The following FAR2 variants were observed in gnomAD, a reference collection of about 807,000 sequenced individuals.
FAR2 encodes the protein epididymis secretory protein Li 81.
FAR2 carries 19 observed loss-of-function variants against 56.0 expected under a neutral mutation model. That is an observed-to-expected ratio of 0.34 (90% CI 0.24 to 0.50). The LOEUF (loss-of-function observed/expected upper bound fraction) is 0.50. FAR2 is among the 20% of genes least tolerant of loss of function. FAR2 has a pLI of 0.98. For missense variants in FAR2, 508 were observed against 642.2 expected, an observed-to-expected ratio of 0.79 and a Z score of 2.26; for synonymous variants, 219 against 218.8, an observed-to-expected ratio of 1.00 and a Z score of -0.01.
chr12:29,247,861 T>A (rs180951543), intron 1 of FAR2, among the ~76,000 whole-genome samples: 190 of 152,378 alleles, frequency 1.2e-3, no homozygotes, highest in Admixed American at 2.7e-3. Flanking sequence ...ATCGTTGGTA[T>A]GCTATTCTAT....
intron 3 of FAR2, among the ~76,000 whole-genome samples, chr12:29,295,235 A>G (rs1201943049): frequency 1.3e-5 from 2 of 151,950 alleles, no homozygotes; most frequent in African/African-American, 4.8e-5. Flanking sequence ...CACCATGCCT[A>G]GCTAATTTTT....
intron 1 of FAR2, among the ~76,000 whole-genome samples, chr12:29,195,091 A>G (rs1950134402): frequency 6.6e-6 from 1 of 152,188 alleles, no homozygotes; most frequent in Non-Finnish European, 1.5e-5. Flanking sequence ...GAAGCCCTAT[A>G]AATTCTTGCT....
intron 9 of FAR2, among the ~76,000 whole-genome samples, chr12:29,319,037 C>T (rs1949508570): frequency 6.6e-6 from 1 of 151,236 alleles, no homozygotes; most frequent in East Asian, 2.0e-4. Flanking sequence ...GTCACCTAGG[C>T]TAGAGTGCAG....
At chr12:29,312,013 AAGTGTGTCATGGAGCTT>A in intron 8 of FAR2, 63 bp downstream of exon 8, 1 of 1,243,268 alleles carries the variant, frequency 8.0e-7, no homozygotes, top group South Asian at 1.3e-5. Flanking sequence ...AAAGTTGACA[AAGTGTGTCATGGAGCTT>A]AGAGCTTATA....
chr12:29,330,391 G>A (rs533893046), intron 10 of FAR2, among the ~76,000 whole-genome samples: 1 of 152,210 alleles, frequency 6.6e-6, no homozygotes, highest in South Asian at 2.1e-4. Flanking sequence ...TTCTTGTCAT[G>A]TTTCTCCATG....
In FAR2 at chr12:29,275,069, A is replaced by T. The variant is rs1173971588; in HGVS notation, c.189+4431A>T. ...TGACCTCAGGTTGGCACCAAATTTC[A>T]TGCGCGTCCATGTGAAGAGACCACC... On this transcript the variant is annotated intron_variant, in intron 2 of 11. Transcript: ENST00000536681. 2.1e-5 allele frequency among the ~76,000 whole-genome samples: 3 copies of T among 144,260 alleles called. No individual in the cohort carries two copies. In the Admixed American group the frequency reaches 2.1e-4, roughly 10 times the overall value. 94.6% of individuals were successfully genotyped at this position (144,260 alleles called of 152,430 possible).
intron 8 of FAR2, among the ~76,000 whole-genome samples, chr12:29,313,233 A>G (rs1042118359): frequency 6.6e-6 from 1 of 152,160 alleles, no homozygotes; most frequent in Non-Finnish European, 1.5e-5. Context: ...GGGTCGGTGA[A>G]CATGGGATAT....
chr12:29,280,793 T>C (rs1396765626), intron 2 of FAR2: 1 of 152,226 alleles, frequency 6.6e-6, no homozygotes, highest in Non-Finnish European at 1.5e-5. Flanking sequence ...CTGGACATCA[T>C]GTGGAAGGTT....
At chr12:29,294,556 G>T (rs1279911722) in intron 3 of FAR2, among the ~76,000 whole-genome samples, 2 of 152,116 alleles carry the variant, frequency 1.3e-5, no homozygotes, top group Non-Finnish European at 2.9e-5. Flanking sequence ...CATCATGTTG[G>T]CCAGGCTGGT....
intron 3 of FAR2, among the ~76,000 whole-genome samples, chr12:29,295,809 C>T (rs1421010742): frequency 7.3e-6 from 1 of 136,262 alleles, no homozygotes; most frequent in East Asian, 2.2e-4. Flanking sequence ...TCGCCCAGGC[C>T]GGACTGCGGA....
At chr12:29,203,266 G>T (rs996407693) in intron 1 of FAR2, among the ~76,000 whole-genome samples, 10 of 152,126 alleles carry the variant, frequency 6.6e-5, no homozygotes, top group African/African-American at 2.2e-4. Flanking sequence ...TCTTCCTTAA[G>T]CCACACACAT....
intron 1 of FAR2, among the ~76,000 whole-genome samples, chr12:29,267,200 A>G (rs1435185316): frequency 6.6e-6 from 1 of 152,238 alleles, no homozygotes; most frequent in Non-Finnish European, 1.5e-5. Context: ...GAAAATGGGT[A>G]TACAAAATGT....
At chr12:29,254,669 A>G (rs978758315) in intron 1 of FAR2, among the ~76,000 whole-genome samples, 2 of 152,216 alleles carry the variant, frequency 1.3e-5, no homozygotes, top group African/African-American at 4.8e-5. Context: ...AGTTTACTCC[A>G]GGCTGGCCAT....
intron 4 of FAR2, chr12:29,302,194 T>C (rs929767309): frequency 7.6e-6 from 1 of 131,038 alleles, no homozygotes; most frequent in South Asian, 2.5e-4. Flanking sequence ...ATTGTGCCAC[T>C]GCCCTCCAGC....
At chr12:29,201,507 C>T (rs922595034) in intron 1 of FAR2, among the ~76,000 whole-genome samples, 1 of 152,120 alleles carries the variant, frequency 6.6e-6, no homozygotes, top group Non-Finnish European at 1.5e-5. Flanking sequence ...GTGCCTTCTT[C>T]CTCTATATGT....
chr12:29,229,059 A>C (rs1186672117), intron 1 of FAR2, among the ~76,000 whole-genome samples: 2 of 152,198 alleles, frequency 1.3e-5, no homozygotes, highest in African/African-American at 4.8e-5. Context: ...AAAGCATTTT[A>C]ATGCAAGAAA....
At chr12:29,212,334 T>A (rs1394775767) in intron 1 of FAR2, among the ~76,000 whole-genome samples, 3 of 152,132 alleles carry the variant, frequency 2.0e-5, no homozygotes, top group African/African-American at 7.2e-5. Context: ...GACCATTCTA[T>A]TCCATTTACC....
At chr12:29,269,619 G>C (rs1160518505) in intron 1 of FAR2, among the ~76,000 whole-genome samples, 1 of 152,200 alleles carries the variant, frequency 6.6e-6, no homozygotes, top group East Asian at 1.9e-4. Context: ...TTTATGTTTA[G>C]AGATTGCAGT....
At chr12:29,234,336 C>A (rs1947903056) in intron 1 of FAR2, among the ~76,000 whole-genome samples, 1 of 152,150 alleles carries the variant, frequency 6.6e-6, no homozygotes, top group Non-Finnish European at 1.5e-5. Context: ...TCAATATCAT[C>A]AGCACCTGTG....
Sources: allele counts gnomAD v4.1 joint callset (sites outside exome capture counted in the v4.1 genomes callset), GRCh38; gene constraint gnomAD v4.1.1; transcripts MANE v1.5; gene names NCBI Gene and HGNC (gene_info 2026-07-23, HGNC 2026-07-21).